SULF2: variants seen among roughly 807,000 people sequenced by gnomAD.
The protein encoded by SULF2 is sulfatase 2, also known as extracellular sulfatase Sulf-2.
In SULF2, 52 loss-of-function variants were observed where a neutral mutation model predicts 107.7. The observed-to-expected ratio is 0.48, with a 90% CI of 0.39 to 0.61. The LOEUF is 0.61. SULF2 is among the 20% of genes least tolerant of loss of function. SULF2 has a pLI of 0.00. For synonymous variants in SULF2, 460 were observed against 464.3 expected, an observed-to-expected ratio of 0.99 and a Z score of 0.12; for missense variants, 993 against 1,177.3, an observed-to-expected ratio of 0.84 and a Z score of 2.29.
intron 1 of SULF2, among the ~76,000 whole-genome samples, chr20:47,772,361 A>C (rs2090646670): frequency 6.6e-6 from 1 of 152,212 alleles, no homozygotes; most frequent in African/African-American, 2.4e-5. Flanking sequence ...AAATATCTCC[A>C]GACACTGCCA....
chr20:47,667,271 G>A (rs921100663), intron 11 of SULF2, among the ~76,000 whole-genome samples: 9 of 152,172 alleles, frequency 5.9e-5, no homozygotes, highest in Non-Finnish European at 1.0e-4. Flanking sequence ...TAGCTTCTTT[G>A]AGTCCCAGAG....
At chr20:47,709,425 C>G (rs1355213519) in intron 3 of SULF2, among the ~76,000 whole-genome samples, 2 of 152,348 alleles carry the variant, frequency 1.3e-5, no homozygotes, top group Admixed American at 1.3e-4. Context: ...GTGCCCAGCA[C>G]TAGGTGGAAG....
intron 20 of SULF2, 107 bp downstream of exon 20, chr20:47,659,292 A>C (rs2086990933): frequency 1.0e-6 from 1 of 987,328 alleles, no homozygotes; most frequent in Non-Finnish European, 1.6e-6. Flanking sequence ...TCATCATGAG[A>C]ACAAACAAAG....
At chr20:47,775,034 T>C (rs1413061038) in intron 1 of SULF2, among the ~76,000 whole-genome samples, 2 of 152,048 alleles carry the variant, frequency 1.3e-5, no homozygotes, top group Non-Finnish European at 2.9e-5. Flanking sequence ...CAGCTTGAGG[T>C]AGTAAGTGTT....
In SULF2 at chr20:47,712,915, G is replaced by A. The variant is rs572352686; in HGVS notation, c.416-10245C>T. Reference sequence around the variant, plus strand: ...CCAGGTGTGGTGCTGCACGCCTGTCGTTCCAGCTACTTGGGAGGCTGGGGT... The same window carrying A: ...CCAGGTGTGGTGCTGCACGCCTGTCATTCCAGCTACTTGGGAGGCTGGGGT... On this transcript the variant is annotated intron_variant, in intron 3 of 20. Transcript: ENST00000688720. Among the ~76,000 whole-genome samples the A allele has an allele frequency of 8.5e-5, 13 of 152,172 alleles. No individual in the cohort carries two copies. The South Asian group carries it at 1.5e-3, about 17-fold the overall frequency.
At chr20:47,670,812 G>C (rs575302834) in intron 11 of SULF2, among the ~76,000 whole-genome samples, 1 of 132,174 alleles carries the variant, frequency 7.6e-6, no homozygotes, top group African/African-American at 2.7e-5. Flanking sequence ...GTACTAGTGG[G>C]AATATAGTTG....
chr20:47,693,608 T>C (rs377729415), intron 4 of SULF2, among the ~76,000 whole-genome samples: 2 of 152,236 alleles, frequency 1.3e-5, no homozygotes, highest in South Asian at 4.1e-4. Context: ...GAAAAGCAGG[T>C]TGTGGAAGGA....
At chr20:47,782,045 G>GT (rs1462592351) in intron 1 of SULF2, among the ~76,000 whole-genome samples, 3 of 152,250 alleles carry the variant, frequency 2.0e-5, no homozygotes, top group East Asian at 3.9e-4. Flanking sequence ...GCTGGCTTGA[G>GT]TTTTTTTCTT....
rs114130193 is a variant in SULF2, at chr20:47,681,455, G to A, written c.1064+1539C>T. 4.8e-3 allele frequency among the ~76,000 whole-genome samples: 727 copies of A among 152,248 alleles called. 9 individuals carry two copies. The highest frequency in any genetic ancestry group is 0.017 in the African/African-American group (698 of 41,530). ...TTCCGAGGCTGACCAAACCCCCAAT[G>A]TCAGTGTTTGTAGAGCCCTCAGTGG... is the stretch of plus-strand genomic sequence containing the variant. On this transcript the variant is annotated intron_variant, in intron 7 of 20. Transcript: ENST00000688720.
intron 3 of SULF2, among the ~76,000 whole-genome samples, chr20:47,714,054 T>C (rs2089023504): frequency 6.6e-6 from 1 of 152,152 alleles, no homozygotes; most frequent in South Asian, 2.1e-4. Flanking sequence ...ATAAACAGTG[T>C]TTGCCAAAGC....
rs1347690937 is a variant in SULF2 at position 47,672,349 on chromosome 20, A to T, written c.1425T>A (p.His475Gln). The T allele has an allele frequency of 1.2e-6, 2 of 1,612,940 alleles. No homozygotes were observed. Residue 475 changes from histidine (H) to glutamine (Q), a missense_variant, in exon 11 of 21, where the codon CAT becomes CAA. This residue lies in a region of SULF2 where 497 missense variants were observed against 544.1 expected (regional missense o/e 0.91). Coordinates refer to ENST00000688720, the MANE Select transcript of SULF2 (RefSeq NM_001387048.1). The part of the protein sequence containing the change: ...VEDATGKLKL[H>Q]KCKGPMRLGG... The stretch of plus-strand genomic sequence containing the variant: ...CCAGCCGCATGGGGCCCTTGCACTT[A>T]TGCAGCTTCAGCTTCCCCGTGGCGT...
chr20:47,712,367 T>A (rs923609476), intron 3 of SULF2, among the ~76,000 whole-genome samples: 1 of 152,200 alleles, frequency 6.6e-6, no homozygotes, highest in Non-Finnish European at 1.5e-5. Flanking sequence ...TGCCTCCTCC[T>A]CACCGTGGCA....
intron 2 of SULF2, among the ~76,000 whole-genome samples, chr20:47,746,638 C>T (rs1255175686): frequency 2.0e-5 from 3 of 152,022 alleles, no homozygotes; most frequent in Non-Finnish European, 2.9e-5. Context: ...CAGCAGAAAT[C>T]GGGAGCCACA....
At chr20:47,703,512 A>G (rs2088633998) in intron 3 of SULF2, among the ~76,000 whole-genome samples, 1 of 152,178 alleles carries the variant, frequency 6.6e-6, no homozygotes. Flanking sequence ...AATGGGCAAC[A>G]CCTAGTATGG....
intron 2 of SULF2, among the ~76,000 whole-genome samples, chr20:47,747,449 T>C (rs781605684): frequency 2.0e-5 from 3 of 152,130 alleles, no homozygotes; most frequent in Non-Finnish European, 2.9e-5. Flanking sequence ...TCGTCAACCA[T>C]AGCAGAGAGG....
At chr20:47,772,506 G>A (rs2090649833) in intron 1 of SULF2, among the ~76,000 whole-genome samples, 1 of 152,232 alleles carries the variant, frequency 6.6e-6, no homozygotes, top group African/African-American at 2.4e-5. Context: ...TACATTGGGA[G>A]TAGGTCTCCT....
chr20:47,749,358 G>GA (rs1004350986), intron 2 of SULF2, among the ~76,000 whole-genome samples: 2 of 152,038 alleles, frequency 1.3e-5, no homozygotes, highest in African/African-American at 4.8e-5. Context: ...TTGCTGAATT[G>GA]AAAAAAAATC....
intron 3 of SULF2, among the ~76,000 whole-genome samples, chr20:47,723,728 A>G (rs2146710896): frequency 6.6e-6 from 1 of 152,276 alleles, no homozygotes; most frequent in Middle Eastern, 3.4e-3. Context: ...ACTGTCTCCC[A>G]TTGCCCCCGG....
In SULF2 at chr20:47,752,565, T is replaced by TA. The variant is rs11319849; in HGVS notation, c.175+4623dup. ...GAGCAACATGGCAAAAGCCCATCTC[T>TA]AAAAAAAAAAAAAAAAAACCCCAAA... On this transcript the variant is annotated intron_variant, in intron 2 of 20. Coordinates refer to ENST00000688720, the MANE Select transcript of SULF2 (RefSeq NM_001387048.1). 3.5e-3 allele frequency among the ~76,000 whole-genome samples: 463 copies of TA among 132,112 alleles called. 2 individuals are homozygous for TA. Among genetic ancestry groups the TA allele is most frequent in the African/African-American group, 0.01 (350 of 34,990 alleles). 86.7% of individuals were successfully genotyped at this position (132,112 alleles called of 152,430 possible).
Sources: allele counts gnomAD v4.1 joint callset (sites outside exome capture counted in the v4.1 genomes callset), GRCh38; gene constraint gnomAD v4.1.1; regional missense constraint gnomAD v4.1.1; transcripts MANE v1.5; gene names NCBI Gene and HGNC (gene_info 2026-07-23, HGNC 2026-07-21).